SLX4IP: variants seen among roughly 807,000 people sequenced by gnomAD.
SLX4IP encodes SLX4 interacting protein.
SLX4IP carries 34 observed loss-of-function variants against 32.9 expected under a neutral mutation model. That is an observed-to-expected ratio of 1.03 (90% confidence interval 0.79 to 1.38). SLX4IP has a LOEUF of 1.38. Ranked by LOEUF, SLX4IP falls within the 40% of genes most tolerant of loss-of-function variation. SLX4IP has a pLI of 0.00. For synonymous variants in SLX4IP, 172 were observed against 171.7 expected, an observed-to-expected ratio of 1.00 and a Z score of -0.01; for missense variants, 444 against 479.0, an observed-to-expected ratio of 0.93 and a Z score of 0.68.
chr20:10,570,316 C>T (rs1321406427), intron 4 of SLX4IP, among the ~76,000 whole-genome samples: 1 of 152,236 alleles, frequency 6.6e-6, no homozygotes. Context: ...GGACATCCCT[C>T]ACCCACAAGG....
chr20:10,608,547 G>A (rs565062239), intron 6 of SLX4IP, among the ~76,000 whole-genome samples: 7 of 151,486 alleles, frequency 4.6e-5, no homozygotes, highest in East Asian at 2.0e-4. Flanking sequence ...GGTGGCAGGC[G>A]CCTGTAGTCC....
chr20:10,625,975 T>C lies in SLX4IP; in HGVS notation c.*2596T>C, dbSNP rs2067166867. The C allele has an allele frequency of 6.6e-6, 1 of 151,624 alleles. No individual in the cohort carries two copies. Among genetic ancestry groups the C allele is most frequent in the African/African-American group, 2.4e-5 (1 of 41,268 alleles). 9.4% of individuals were successfully genotyped at this position (151,624 alleles called of 1,614,324 possible). On this transcript the variant is annotated 3_prime_UTR_variant, in exon 8 of 8. Transcript: ENST00000334534. The stretch of plus-strand genomic sequence containing the variant: ...GCTTATTAGGTAGGATATGAAGAGT[T>C]CTCACTGTTGGGAATGGTATGTGTT...
intron 2 of SLX4IP, among the ~76,000 whole-genome samples, chr20:10,538,529 CTTT>C (rs1293744404): frequency 1.4e-5 from 2 of 143,980 alleles, no homozygotes; most frequent in Non-Finnish European, 1.5e-5. Flanking sequence ...AGCCCTTCAT[CTTT>C]TTTTTTTTTT....
chr20:10,465,813 A>G (rs1324469269), intron 2 of SLX4IP, among the ~76,000 whole-genome samples: 1 of 152,218 alleles, frequency 6.6e-6, no homozygotes, highest in Admixed American at 6.5e-5. Context: ...GCCTACAAAT[A>G]TATCTTTTAC....
chr20:10,452,844 C>T (rs140865749), intron 1 of SLX4IP, among the ~76,000 whole-genome samples: 419 of 151,174 alleles, frequency 2.8e-3, no homozygotes, highest in Non-Finnish European at 5.0e-3. Flanking sequence ...AAGTGAGACT[C>T]TGTCTCAGAA....
intron 2 of SLX4IP, among the ~76,000 whole-genome samples, chr20:10,553,773 A>G (rs995770424): frequency 1.3e-5 from 2 of 152,228 alleles, no homozygotes; most frequent in Admixed American, 1.3e-4. Context: ...TATTATCTTC[A>G]GTTCTCTTTC....
chr20:10,449,734 G>A lies in SLX4IP; in HGVS notation c.-29-8442G>A, dbSNP rs575037424. On this transcript the variant is annotated intron_variant, in intron 1 of 7. Coordinates refer to ENST00000334534, the MANE Select transcript of SLX4IP (RefSeq NM_001009608.3). ...CATAACTTGAGGCAGAGTGTGTTAT[G>A]ATATTAAAAACAGACTAAAATATTC... 2.8e-4 allele frequency among the ~76,000 whole-genome samples: 43 copies of A among 152,284 alleles called. 3 individuals are homozygous for A. Among genetic ancestry groups the A allele is most frequent in the East Asian group, 7.7e-4 (4 of 5,186 alleles).
intron 4 of SLX4IP, among the ~76,000 whole-genome samples, chr20:10,570,804 C>T (rs2066454896): frequency 1.3e-5 from 2 of 152,300 alleles, no homozygotes; most frequent in African/African-American, 2.4e-5. Flanking sequence ...GCTGGGATTA[C>T]AGGCGTGAGC....
intron 2 of SLX4IP, among the ~76,000 whole-genome samples, chr20:10,508,325 A>G (rs539040565): frequency 1.3e-5 from 2 of 152,346 alleles, no homozygotes; most frequent in Non-Finnish European, 2.9e-5. Context: ...CCTTCTCTTT[A>G]TAGCATTCCT....
chr20:10,477,302 C>T (rs781444165), intron 2 of SLX4IP, among the ~76,000 whole-genome samples: 6 of 152,120 alleles, frequency 3.9e-5, no homozygotes, highest in Admixed American at 1.3e-4. Flanking sequence ...TGCACCACCA[C>T]GCCTGGCTAA....
At chr20:10,475,329 G>C (rs994473274) in intron 2 of SLX4IP, among the ~76,000 whole-genome samples, 4 of 152,234 alleles carry the variant, frequency 2.6e-5, no homozygotes, top group African/African-American at 9.6e-5. Flanking sequence ...AGGGAACTTA[G>C]TGTCTTATTT....
rs767337242 is a variant in SLX4IP, at chr20:10,622,659, T to C, written c.507T>C (p.Ile169=). 1 of 1,601,340 alleles carries C rather than the reference T, an allele frequency of 6.2e-7. No individual in the cohort carries two copies. The highest frequency in any genetic ancestry group is 1.3e-5 in the African/African-American group (1 of 74,590). ...AKLRRNALKE[I]VKRTETKSSV... is the part of the protein sequence containing the mutation. ...ATAAAATCATTTTTGTTTGTTTCAG[T>C]GTGAAAAGAACTGAAACAAAAAGCA... Residue 169 remains isoleucine (I), a splice_region_variant and synonymous_variant, in exon 8 of 8, where the codon ATT becomes ATC. Transcript: ENST00000334534.
chr20:10,540,106 T>G (rs199869018), intron 2 of SLX4IP, among the ~76,000 whole-genome samples: 1 of 110,908 alleles, frequency 9.0e-6, no homozygotes, highest in Admixed American at 8.3e-5. Flanking sequence ...TTTCCTTCCT[T>G]CCTTCCTTCC....
intron 4 of SLX4IP, among the ~76,000 whole-genome samples, chr20:10,563,680 G>A (rs1368505621): frequency 6.6e-6 from 1 of 152,074 alleles, no homozygotes; most frequent in East Asian, 1.9e-4. Flanking sequence ...CCCCTAATAT[G>A]GTTCTTGGCA....
chr20:10,517,370 G>A (rs925919679), intron 2 of SLX4IP, among the ~76,000 whole-genome samples: 6 of 152,236 alleles, frequency 3.9e-5, no homozygotes, highest in African/African-American at 1.4e-4. Flanking sequence ...AGGCCAGAAC[G>A]TGATGTAGGG....
intron 2 of SLX4IP, among the ~76,000 whole-genome samples, chr20:10,527,714 A>G (rs2065951373): frequency 7.1e-6 from 1 of 139,938 alleles, no homozygotes. Flanking sequence ...TTGGAATCCA[A>G]AATTATCATC....
rs80094369 is a variant in SLX4IP at position 10,533,066 on chromosome 20, C to T, written c.28-23165C>T. Among the ~76,000 whole-genome samples the T allele has an allele frequency of 6.8e-3, 1,039 of 151,856 alleles. 26 individuals carry two copies. Among genetic ancestry groups the T allele is most frequent in the Admixed American group, 0.043 (652 of 15,268 alleles). ...CTGGGATTGCAGGGGTGAGCCACCA[C>T]GCCTGGCCCACAAGCAATATTTTTG... On this transcript the variant is annotated intron_variant, in intron 2 of 7. Transcript: ENST00000334534.
intron 2 of SLX4IP, among the ~76,000 whole-genome samples, chr20:10,514,136 A>G (rs1342610941): frequency 6.6e-6 from 1 of 152,222 alleles, no homozygotes; most frequent in Non-Finnish European, 1.5e-5. Context: ...AGAAAAGTGC[A>G]AAGAAGGGTG....
At chr20:10,616,607 G>T (rs1014773495) in intron 6 of SLX4IP, among the ~76,000 whole-genome samples, 2 of 151,640 alleles carry the variant, frequency 1.3e-5, no homozygotes, top group Non-Finnish European at 2.9e-5. Flanking sequence ...TCCAGTTTCT[G>T]CACCTTCCAG....
Sources: gnomAD v4.1 joint callset for allele counts (sites outside exome capture counted in the v4.1 genomes callset) on GRCh38, gnomAD v4.1.1 for gene constraint, MANE v1.5 for transcripts, NCBI Gene and HGNC (gene_info 2026-07-23, HGNC 2026-07-21) for gene names.